Variants in DHRS7B observed in about 807,000 individuals in gnomAD.
DHRS7B encodes the protein peroxisomal reductase activating PPAR-gamma.
A neutral mutation model predicts 26.4 loss-of-function variants in DHRS7B; 24 were observed. That is an observed-to-expected ratio of 0.91 (90% CI 0.66 to 1.28). The LOEUF (loss-of-function observed/expected upper bound fraction) is 1.28, where lower values mean the gene tolerates loss of function less well. Among genes scored for constraint, DHRS7B ranks in the 50% most tolerant of loss-of-function variants. The probability of loss-of-function intolerance (pLI) is 0.00; values close to 1 mark genes in which losing one functional copy is unlikely to be tolerated. For synonymous variants in DHRS7B, 142 were observed against 166.4 expected (o/e 0.85, Z 1.13); for missense variants, 368 against 419.4 (o/e 0.88, Z 1.07).
At chr17:21,167,409 A>T (rs1657624498) in intron 1 of DHRS7B, among the ~76,000 whole-genome samples, 3 of 152,206 alleles carry the variant, frequency 2.0e-5, no homozygotes, top group East Asian at 3.8e-4. Context: ...ATAAGCAGAC[A>T]GTATTAATAT....
intron 1 of DHRS7B, among the ~76,000 whole-genome samples, chr17:21,132,529 TCAAAAAAAAAAAAAAAAAAA>T (rs1973257888): frequency 3.1e-5 from 1 of 32,320 alleles, no homozygotes; most frequent in African/African-American, 8.7e-5. Flanking sequence ...AGACCTTGTC[TCAAAAAAAAAAAAAAAAAAA>T]CAAAAAAAAA....
At chr17:21,127,093 C>T (rs1881182814) in intron 1 of DHRS7B, 102 bp downstream of exon 1, 1 of 1,265,502 alleles carries the variant, frequency 7.9e-7, no homozygotes, top group Non-Finnish European at 1.0e-6. Context: ...GTGTAGTGGT[C>T]GAGCTAAGGC....
At chr17:21,166,817 G>GA (rs1176430147) in intron 1 of DHRS7B, among the ~76,000 whole-genome samples, 4 of 152,276 alleles carry the variant, frequency 2.6e-5, no homozygotes, top group Admixed American at 2.0e-4. Flanking sequence ...CCTTTAGCCT[G>GA]ATTTTCTTGT....
intron 3 of DHRS7B, among the ~76,000 whole-genome samples, chr17:21,181,377 C>A (rs998599358): frequency 6.6e-6 from 1 of 152,158 alleles, no homozygotes. Context: ...TGAGCCACTG[C>A]GCCTCGCCGG....
Position 21,190,068 on chromosome 17 carries a change from A to G in DHRS7B, c.773-880A>G, listed in dbSNP as rs1185889755. 3.3e-5 allele frequency among the ~76,000 whole-genome samples: 5 copies of G among 152,240 alleles called. No homozygotes were observed. In the East Asian group the frequency reaches 9.7e-4, roughly 29 times the overall value. On this transcript the variant is annotated intron_variant, in intron 6 of 6. Transcript: ENST00000395511. ...TGTAGTCTAGCTACTCAGGAGGCTG[A>G]GGCAGGAGGATTGCTTGAGCCCAGG... is the stretch of plus-strand genomic sequence containing the variant.
chr17:21,169,491 G>T, intron 1 of DHRS7B, among the ~76,000 whole-genome samples: 1 of 152,172 alleles, frequency 6.6e-6, no homozygotes, highest in Non-Finnish European at 1.5e-5. Flanking sequence ...CGAGGACACT[G>T]AGGCCCAGGG....
At chr17:21,185,445 G>A (rs1248015058) in intron 5 of DHRS7B, among the ~76,000 whole-genome samples, 1 of 152,154 alleles carries the variant, frequency 6.6e-6, no homozygotes, top group East Asian at 1.9e-4. Context: ...GGTTCTGGTT[G>A]TATTTTCTTG....
chr17:21,186,224 A>G (rs1974631407), intron 5 of DHRS7B, among the ~76,000 whole-genome samples: 1 of 152,224 alleles, frequency 6.6e-6, no homozygotes, highest in South Asian at 2.1e-4. Context: ...TCACACTGCT[A>G]AAGTAAAGAC....
intron 1 of DHRS7B, among the ~76,000 whole-genome samples, chr17:21,142,271 G>A (rs939642307): frequency 4.6e-5 from 7 of 152,116 alleles, no homozygotes; most frequent in East Asian, 1.9e-4. Flanking sequence ...AGAACAGAAC[G>A]GGAGGTTTCA....
chr17:21,185,750 C>T (rs930776185), intron 5 of DHRS7B, among the ~76,000 whole-genome samples: 5 of 151,574 alleles, frequency 3.3e-5, no homozygotes, highest in Non-Finnish European at 7.4e-5. Flanking sequence ...TGCAGTAGTG[C>T]GATCTCGGCT....
chr17:21,129,719 A>AAAAAAG (rs1266752997), intron 1 of DHRS7B, among the ~76,000 whole-genome samples: 57 of 149,840 alleles, frequency 3.8e-4, no homozygotes, highest in African/African-American at 1.4e-3. Flanking sequence ...AAAAAAAAAA[A>AAAAAAG]AAAAAGAAAA....
chr17:21,158,748 G>A (rs4559959), intron 1 of DHRS7B, among the ~76,000 whole-genome samples: 130,347 of 152,136 alleles, frequency 0.86, 55,972 homozygotes, highest in African/African-American at 0.88. Context: ...TCAATATTGT[G>A]GGAGAAACAA....
At chr17:21,147,346 A>G (rs1181183936) in intron 1 of DHRS7B, among the ~76,000 whole-genome samples, 1 of 152,214 alleles carries the variant, frequency 6.6e-6, no homozygotes, top group Non-Finnish European at 1.5e-5. Context: ...TGGGCTGACA[A>G]AAAGAGTGGA....
At chr17:21,172,824 C>T (rs1004470245) in intron 2 of DHRS7B, among the ~76,000 whole-genome samples, 2 of 152,296 alleles carry the variant, frequency 1.3e-5, no homozygotes, top group South Asian at 2.1e-4. Flanking sequence ...AATGGTGTAC[C>T]GGGACCCTGG....
At chr17:21,172,321 AG>A in intron 2 of DHRS7B, 125 bp downstream of exon 2, 1 of 1,204,002 alleles carries the variant, frequency 8.3e-7, no homozygotes, top group Non-Finnish European at 1.2e-6. Context: ...AGATAAGGGA[AG>A]TGGGCCGGAT....
chr17:21,166,246 A>G, intron 1 of DHRS7B: 2 of 985,450 alleles, frequency 2.0e-6, no homozygotes, highest in Non-Finnish European at 2.4e-6. Flanking sequence ...TGAAATCTCC[A>G]GCCTTCCTTC....
chr17:21,127,201 G>A (rs1046737307), intron 1 of DHRS7B: 3 of 517,244 alleles, frequency 5.8e-6, no homozygotes, highest in Non-Finnish European at 3.3e-6. Flanking sequence ...CGGCGAGTGC[G>A]TGGCGGGGAA....
At chr17:21,188,131 T>C in intron 5 of DHRS7B, among the ~76,000 whole-genome samples, 1 of 152,168 alleles carries the variant, frequency 6.6e-6, no homozygotes, top group South Asian at 2.1e-4. Flanking sequence ...ATTACAGGTG[T>C]GAGCCACCGC....
Position 21,172,191 on chromosome 17 carries a change from G to T in DHRS7B, c.194G>T (p.Gly65Val), listed in dbSNP as rs751521944. ...ATCACAGGCGCCACCTCAGGGCTGG[G>T]CAAAGGTGGGTCCTGGAGGCAGTGC... is the stretch of plus-strand genomic sequence containing the variant. ...VVITGATSGL[G>V]KECAKVFYAA... The change falls in exon 2 of 7, where the codon GGC becomes GTC. Residue 65 changes from glycine (G) to valine (V), a missense_variant. Gly to Val is a moderately radical substitution (Grantham distance 109). Coordinates refer to ENST00000395511, the MANE Select transcript of DHRS7B (RefSeq NM_015510.5). 2.5e-6 allele frequency: 4 copies of T among 1,610,994 alleles called. No homozygotes were observed. In the South Asian group the frequency reaches 4.4e-5, roughly 18 times the overall value.
Sources: allele counts gnomAD v4.1 joint callset (sites outside exome capture counted in the v4.1 genomes callset), GRCh38; gene constraint gnomAD v4.1.1; transcripts MANE v1.5; gene names NCBI Gene and HGNC (gene_info 2026-07-23, HGNC 2026-07-21).